MGAT5: variants seen among roughly 807,000 people sequenced by gnomAD.
MGAT5 encodes the protein alpha-1,6-mannosylglycoprotein 6-beta-N-acetylglucosaminyltransferase.
Under a neutral mutation model 94.3 loss-of-function variants are expected in MGAT5, and 30 were observed. The ratio of observed to expected loss-of-function variants is 0.32; its 90% CI spans 0.24 to 0.43. The LOEUF is 0.43. MGAT5 is among the 20% of genes least tolerant of loss of function. The probability of loss-of-function intolerance (pLI) is 1.00; values close to 1 mark genes in which losing one functional copy is unlikely to be tolerated. For missense variants in MGAT5, 691 were observed against 905.5 expected (o/e 0.76, Z 3.04); for synonymous variants, 310 against 322.9 (o/e 0.96, Z 0.43).
At chr2:134,164,682 A>G (rs1427705584) in intron 1 of MGAT5, among the ~76,000 whole-genome samples, 7 of 152,178 alleles carry the variant, frequency 4.6e-5, no homozygotes, top group African/African-American at 1.4e-4. Context: ...AGTATGCCAA[A>G]TGACTTAACT....
chr2:134,417,802 T>C (rs1684066025), intron 12 of MGAT5, among the ~76,000 whole-genome samples: 3 of 152,138 alleles, frequency 2.0e-5, no homozygotes, highest in Admixed American at 2.0e-4. Context: ...TTGTATAGTG[T>C]CACATACTAT....
At chr2:134,150,398 A>T (rs1050465881) in intron 1 of MGAT5, among the ~76,000 whole-genome samples, 1 of 152,216 alleles carries the variant, frequency 6.6e-6, no homozygotes, top group African/African-American at 2.4e-5. Context: ...CCCTATGCCC[A>T]GAAGCAGTCT....
chr2:134,143,078 G>T (rs1686737320), intron 1 of MGAT5, among the ~76,000 whole-genome samples: 1 of 152,156 alleles, frequency 6.6e-6, no homozygotes, highest in African/African-American at 2.4e-5. Context: ...AGGGAGGCAG[G>T]GCTGTTTCTG....
intron 1 of MGAT5, among the ~76,000 whole-genome samples, chr2:134,244,031 G>A (rs1167970098): frequency 6.6e-6 from 1 of 152,168 alleles, no homozygotes; most frequent in Non-Finnish European, 1.5e-5. Flanking sequence ...TTTTCTAGAT[G>A]TAGAGTGTTG....
At chr2:134,228,917 T>C (rs1681208383) in intron 1 of MGAT5, among the ~76,000 whole-genome samples, 1 of 151,942 alleles carries the variant, frequency 6.6e-6, no homozygotes, top group Non-Finnish European at 1.5e-5. Context: ...TTTTCATGGA[T>C]GTTTCATCTT....
chr2:134,288,686 C>A (rs1291073179), intron 2 of MGAT5, among the ~76,000 whole-genome samples: 1 of 152,174 alleles, frequency 6.6e-6, no homozygotes, highest in African/African-American at 2.4e-5. Flanking sequence ...ATGACAGTGG[C>A]AGTCATCTTC....
upstream of MGAT5, chr2:134,120,078 CCG>C (rs1000534093): frequency 2.0e-5 from 3 of 152,534 alleles, no homozygotes; most frequent in African/African-American, 7.2e-5. Context: ...TGTGGACGCG[CCG>C]CGCGCGGCCC....
rs1683653291 is a variant in MGAT5, at chr2:134,411,434, T to TGCC, written c.1531-1435_1531-1434insGCC. On this transcript the variant is annotated intron_variant, in intron 11 of 15. Transcript: ENST00000281923. The stretch of plus-strand genomic sequence containing the variant: ...CCCAGCTCCCTGCCCTGTGGACATC[T>TGCC]CTGGCATTGTGATCACGCAGTTTTC... Among the ~76,000 whole-genome samples, 5 of 152,310 alleles carry TGCC rather than the reference T, an allele frequency of 3.3e-5. No homozygotes were observed. The East Asian group carries it at 7.7e-4, about 23-fold the overall frequency.
At chr2:134,232,617 T>G (rs1681426860) in intron 1 of MGAT5, among the ~76,000 whole-genome samples, 1 of 152,220 alleles carries the variant, frequency 6.6e-6, no homozygotes, top group African/African-American at 2.4e-5. Context: ...TTTCATGCTC[T>G]GTTACAATAC....
chr2:134,174,100 C>T (rs1291559791), intron 1 of MGAT5, among the ~76,000 whole-genome samples: 1 of 152,278 alleles, frequency 6.6e-6, no homozygotes, highest in African/African-American at 2.4e-5. Flanking sequence ...GCCTTTACCT[C>T]TAGCAGCCAC....
At chr2:134,361,280 T>C (rs1355622368) in intron 9 of MGAT5, among the ~76,000 whole-genome samples, 1 of 152,166 alleles carries the variant, frequency 6.6e-6, no homozygotes, top group Non-Finnish European at 1.5e-5. Flanking sequence ...AGGAATTTGG[T>C]TTCATGTTAT....
At chr2:134,374,813 C>T (rs905368502) in intron 10 of MGAT5, among the ~76,000 whole-genome samples, 3 of 152,074 alleles carry the variant, frequency 2.0e-5, no homozygotes, top group Non-Finnish European at 2.9e-5. Flanking sequence ...GGCAACCTGG[C>T]GAAACCCTAT....
intron 4 of MGAT5, among the ~76,000 whole-genome samples, chr2:134,321,596 T>G (rs527666286): frequency 3.0e-4 from 45 of 152,320 alleles, no homozygotes; most frequent in African/African-American, 1.1e-3. Context: ...ACTTGCTATC[T>G]GAGGCTGAGT....
At chr2:134,202,543 C>T (rs1444033511) in intron 1 of MGAT5, among the ~76,000 whole-genome samples, 1 of 152,204 alleles carries the variant, frequency 6.6e-6, no homozygotes, top group Admixed American at 6.5e-5. Flanking sequence ...CTAGGCTGAA[C>T]AGACTGAGGC....
chr2:134,235,392 C>T (rs910200668), intron 1 of MGAT5, among the ~76,000 whole-genome samples: 4 of 152,098 alleles, frequency 2.6e-5, no homozygotes, highest in African/African-American at 9.7e-5. Flanking sequence ...GGAGGGCTAC[C>T]ATTTGTATTT....
intron 2 of MGAT5, among the ~76,000 whole-genome samples, chr2:134,295,594 C>T (rs567483915): frequency 3.9e-5 from 6 of 152,296 alleles, no homozygotes; most frequent in African/African-American, 9.6e-5. Context: ...CACCCAGATT[C>T]TCTTCGAGGA....
intron 14 of MGAT5, among the ~76,000 whole-genome samples, chr2:134,435,497 T>C (rs1685120444): frequency 6.6e-6 from 1 of 152,230 alleles, no homozygotes; most frequent in South Asian, 2.1e-4. Context: ...CACCTTTTAA[T>C]GTACTATATA....
chr2:134,426,626 C>T (rs1362164183), intron 13 of MGAT5, among the ~76,000 whole-genome samples: 1 of 152,150 alleles, frequency 6.6e-6, no homozygotes, highest in Non-Finnish European at 1.5e-5. Context: ...TAGATCATTC[C>T]TTCTATGAAT....
intron 14 of MGAT5, among the ~76,000 whole-genome samples, chr2:134,429,472 G>A (rs1433333519): frequency 6.6e-6 from 1 of 152,172 alleles, no homozygotes; most frequent in Non-Finnish European, 1.5e-5. Flanking sequence ...CTAGTTACAT[G>A]ACTTGGGCAT....
Sources: allele counts gnomAD v4.1 joint callset (sites outside exome capture counted in the v4.1 genomes callset), GRCh38; gene constraint gnomAD v4.1.1; transcripts MANE v1.5; gene names NCBI Gene and HGNC (gene_info 2026-07-23, HGNC 2026-07-21).